Variants in TERB1 observed in about 807,000 individuals in gnomAD.
TERB1 encodes telomere repeats-binding bouquet formation protein 1.
In TERB1, 63 loss-of-function variants were observed where a neutral mutation model predicts 92.3. The observed-to-expected ratio is 0.68, with a 90% CI of 0.56 to 0.84. The LOEUF is 0.84. TERB1 is among the 40% of genes least tolerant of loss of function. The probability of loss-of-function intolerance (pLI) is 0.00; values close to 1 mark genes in which losing one functional copy is unlikely to be tolerated. For missense variants in TERB1, 709 were observed against 843.7 expected (o/e 0.84, Z 1.98); for synonymous variants, 252 against 283.9 (o/e 0.89, Z 1.13).
At chr16:66,787,269 TTC>T (rs1156832087) in intron 6 of TERB1, among the ~76,000 whole-genome samples, 1 of 136,878 alleles carries the variant, frequency 7.3e-6, no homozygotes, top group Admixed American at 8.0e-5. Flanking sequence ...CAGTTAATTT[TTC>T]TTTTTCTTTT....
chr16:66,788,331 A>T, intron 5 of TERB1, 34 bp from the exon 6 acceptor site: 1 of 1,451,582 alleles, frequency 6.9e-7, no homozygotes, highest in Non-Finnish European at 9.1e-7. Context: ...ATTTCAATGC[A>T]TTGTCACAAA....
intron 13 of TERB1, 58 bp downstream of exon 13, chr16:66,772,527 AAAAG>A (rs2018468799): frequency 7.0e-7 from 1 of 1,436,298 alleles, no homozygotes; most frequent in Non-Finnish European, 9.4e-7. Context: ...GTATGGAGAA[AAAAG>A]AAAGAAATTT....
intron 16 of TERB1, among the ~76,000 whole-genome samples, chr16:66,761,123 A>G (rs1196223798): frequency 6.7e-6 from 1 of 149,428 alleles, no homozygotes; most frequent in African/African-American, 2.5e-5. Context: ...AAAAAAAAAA[A>G]AAAGAAAAGA....
intron 11 of TERB1, among the ~76,000 whole-genome samples, chr16:66,775,818 C>A (rs374974930): frequency 6.6e-4 from 97 of 148,070 alleles, no homozygotes; most frequent in African/African-American, 2.2e-3. Flanking sequence ...TCAAGCAATT[C>A]TCTTGCCTCA....
chr16:66,768,122 G>A lies in TERB1; in HGVS notation c.1666C>T (p.Gln556Ter). 6.5e-7 allele frequency: 1 copy of A among 1,550,330 alleles called. No individual in the cohort carries two copies. Among genetic ancestry groups the A allele is most frequent in the Non-Finnish European group, 8.7e-7 (1 of 1,145,954 alleles). The change falls in exon 15 of 19, where the codon CAG becomes TAG. Residue 556 changes from glutamine to a stop codon, truncating the protein, a stop_gained. Transcript: ENST00000433154. LOFTEE classifies it high-confidence loss of function. ...HPVHIAKNIK[Q>*]QLPVTDPFTL... is the part of the protein sequence containing the mutation. ...ATCATACCTGTTACTGGTAACTGCT[G>A]CTTTATATTTTTGGCAATGTGAACT...
chr16:66,778,242 T>G (rs774383801), intron 10 of TERB1, among the ~76,000 whole-genome samples: 1 of 152,138 alleles, frequency 6.6e-6, no homozygotes, highest in Non-Finnish European at 1.5e-5. Flanking sequence ...AAAATATCCC[T>G]TGGTTTCTCA....
intron 18 of TERB1, 131 bp from the exon 19 acceptor site, chr16:66,755,294 CTCA>C (rs1462770254): frequency 1.3e-5 from 8 of 633,406 alleles, no homozygotes; most frequent in African/African-American, 1.8e-5. Context: ...GCCAGGGCTT[CTCA>C]TCATGTGGAA....
intron 5 of TERB1, 29 bp downstream of exon 5, chr16:66,790,566 G>A: frequency 2.0e-6 from 3 of 1,464,774 alleles, no homozygotes; most frequent in Non-Finnish European, 2.8e-6. Context: ...AATGCTTAAA[G>A]TATAATGAAA....
At position 66,772,763 on chromosome 16, in the gene TERB1, G is replaced by GA. The variant is rs1252791117; in HGVS notation, c.1112-15dup. ...ATAATTTCTCAGCTTTGTAGTATGGGAAAAAACAATGAATGAAAAGTTATT... is the reference window on the plus strand; with the variant it reads ...ATAATTTCTCAGCTTTGTAGTATGGGAAAAAAACAATGAATGAAAAGTTATT... On this transcript the variant is annotated splice_polypyrimidine_tract_variant and intron_variant, in intron 12 of 18. Transcript: ENST00000433154. 1 of 1,515,780 alleles carries GA rather than the reference G, an allele frequency of 6.6e-7. No individual in the cohort carries two copies. The highest frequency in any genetic ancestry group is 1.3e-5 in the South Asian group (1 of 78,644). The allele number at this position is 1,515,780 out of a possible 1,614,324, so 93.9% of individuals were successfully genotyped here. A position where few individuals can be genotyped will look rare whatever the true frequency, so the allele number is the denominator to read the frequency against.
rs532734817 is a variant in TERB1 at position 66,775,377 on chromosome 16, T to C, written c.986-134A>G. 166 of 714,928 alleles carry C rather than the reference T, an allele frequency of 2.3e-4. No homozygotes were observed. In the South Asian group the frequency reaches 2.9e-3, roughly 13 times the overall value. 44.3% of individuals were successfully genotyped at this position (714,928 alleles called of 1,614,324 possible). A position where few individuals can be genotyped will look rare whatever the true frequency, so the allele number is the denominator to read the frequency against. On this transcript the variant is annotated intron_variant, in intron 11 of 18. Transcript: ENST00000433154. The stretch of plus-strand genomic sequence containing the variant: ...GGCCAGGAACGGTGGCTCACTCTTG[T>C]AATCCCAGCACTTTGGGAGGCTGAG...
intron 5 of TERB1, 132 bp from the exon 6 acceptor site, chr16:66,788,429 T>C: frequency 1.5e-6 from 1 of 662,870 alleles, no homozygotes; most frequent in Non-Finnish European, 2.4e-6. Context: ...TATTTATTAG[T>C]CATACAACAA....
chr16:66,796,591 T>C (rs1243110050), intron 3 of TERB1, among the ~76,000 whole-genome samples, 177 bp downstream of exon 3: 1 of 152,250 alleles, frequency 6.6e-6, no homozygotes, highest in Non-Finnish European at 1.5e-5. Context: ...GTATGTCTTT[T>C]CCCATTAGAA....
Position 66,759,200 on chromosome 16 carries a change from A to G in TERB1, c.1871T>C (p.Ile624Thr), listed in dbSNP as rs1451941518. The change falls in exon 17 of 19, where the codon ATT becomes ACT. Residue 624 changes from isoleucine to threonine, a missense_variant. By Grantham distance (89) the Ile-to-Thr change is moderately conservative. Coordinates refer to ENST00000433154, the MANE Select transcript of TERB1 (RefSeq NM_001136505.2). ...CPYQCDRHKV[I>T]VEAEDRYKSE... The stretch of plus-strand genomic sequence containing the variant: ...TTTATATCTGTCTTCAGCTTCCACA[A>G]TGACTTTGTGACGATCACATTGGTA... The G allele has an allele frequency of 2.2e-5, 34 of 1,550,628 alleles. No individual in the cohort carries two copies. Among genetic ancestry groups the G allele is most frequent in the South Asian group, 4.8e-5 (4 of 83,698 alleles).
chr16:66,784,961 G>A (rs969731426), intron 9 of TERB1, among the ~76,000 whole-genome samples: 3 of 148,746 alleles, frequency 2.0e-5, no homozygotes, highest in Non-Finnish European at 4.4e-5. Context: ...GACCTCAAGC[G>A]ATCCACCTGC....
At chr16:66,779,369 A>G (rs2018599656) in intron 9 of TERB1, among the ~76,000 whole-genome samples, 1 of 152,108 alleles carries the variant, frequency 6.6e-6, no homozygotes, top group African/African-American at 2.4e-5. Flanking sequence ...AGGCTGAGAT[A>G]GGCAGATTGC....
At chr16:66,781,670 C>T (rs1337175695) in intron 9 of TERB1, among the ~76,000 whole-genome samples, 1 of 151,932 alleles carries the variant, frequency 6.6e-6, no homozygotes, top group African/African-American at 2.4e-5. Flanking sequence ...CAGGCGCCCA[C>T]CACCACGCCC....
chr16:66,785,828 G>A lies in TERB1; in HGVS notation c.658C>T (p.Arg220Cys), dbSNP rs945498690. The A allele has an allele frequency of 3.9e-6, 6 of 1,548,172 alleles. No homozygotes were observed. The highest frequency in any genetic ancestry group is 1.2e-5 in the South Asian group (1 of 82,884). The change falls in exon 9 of 19, where the codon CGC becomes TGC. Residue 220 changes from arginine (R) to cysteine (C), a missense_variant. Coordinates refer to ENST00000433154, the MANE Select transcript of TERB1 (RefSeq NM_001136505.2). ...LKNCTTPEIIRPICSFIGLTL... is the reference protein window; with the variant it reads ...LKNCTTPEIICPICSFIGLTL... ...AGTCCAATAAATGAGCAAATAGGGC[G>A]AATTATCTCAGGTGTCGTGCAATTT...
chr16:66,782,505 G>A (rs1371458702), intron 9 of TERB1, among the ~76,000 whole-genome samples: 1 of 148,662 alleles, frequency 6.7e-6, no homozygotes, highest in Non-Finnish European at 1.5e-5. Flanking sequence ...AGTCGAGACT[G>A]TACCATGCAC....
chr16:66,779,298 T>C (rs1222379615), intron 9 of TERB1, among the ~76,000 whole-genome samples: 2 of 152,210 alleles, frequency 1.3e-5, no homozygotes, highest in East Asian at 1.9e-4. Context: ...AAGAATGGCA[T>C]TATTAAGCTG....
Sources: allele counts gnomAD v4.1 joint callset (sites outside exome capture counted in the v4.1 genomes callset), GRCh38; gene constraint gnomAD v4.1.1; transcripts MANE v1.5; gene names NCBI Gene and HGNC (gene_info 2026-07-23, HGNC 2026-07-21).